Variants in MTREX observed in about 807,000 individuals in gnomAD.
The protein encoded by MTREX is exosome RNA helicase MTR4.
Under a neutral mutation model 135.4 loss-of-function variants are expected in MTREX, and 76 were observed. The ratio of observed to expected loss-of-function variants is 0.56; its 90% CI spans 0.47 to 0.68. The LOEUF (loss-of-function observed/expected upper bound fraction) is 0.68. Ranked by LOEUF, MTREX falls within the 30% of genes least tolerant of loss-of-function variation. MTREX has a pLI of 0.00. For missense variants in MTREX, 920 were observed against 1,262.1 expected (o/e 0.73, Z 4.11); for synonymous variants, 404 against 401.6 (o/e 1.01, Z -0.07).
At chr5:55,396,941 GTGTTCTTCAAGA>G (rs1750655798) in intron 19 of MTREX, among the ~76,000 whole-genome samples, 1 of 152,158 alleles carries the variant, frequency 6.6e-6, no homozygotes, top group Admixed American at 6.5e-5. Context: ...TTGCAGATAG[GTGTTCTTCAAGA>G]TTATGTCTAA....
chr5:55,386,401 T>G (rs1750482047), intron 18 of MTREX, among the ~76,000 whole-genome samples: 1 of 152,136 alleles, frequency 6.6e-6, no homozygotes, highest in Non-Finnish European at 1.5e-5. Context: ...ACTAGTTTTT[T>G]TATCTGAAAG....
intron 10 of MTREX, among the ~76,000 whole-genome samples, chr5:55,346,147 T>G (rs1429577924): frequency 5.3e-5 from 8 of 152,198 alleles, no homozygotes; most frequent in African/African-American, 1.4e-4. Flanking sequence ...TAATACAAGT[T>G]TTTGTGTGAA....
At chr5:55,322,088 A>C (rs1749298430) in intron 1 of MTREX, among the ~76,000 whole-genome samples, 1 of 152,208 alleles carries the variant, frequency 6.6e-6, no homozygotes, top group African/African-American at 2.4e-5. Flanking sequence ...TAGTTATGTT[A>C]ATGTGAATTT....
intron 14 of MTREX, 66 bp downstream of exon 14, chr5:55,353,335 C>A (rs1049769995): frequency 9.9e-7 from 1 of 1,014,704 alleles, no homozygotes; most frequent in Non-Finnish European, 1.5e-6. Flanking sequence ...AACTGGCTTA[C>A]ATAGTCTTTG....
chr5:55,378,988 A>G (rs1750350801), intron 17 of MTREX, 139 bp from the exon 18 acceptor site: 1 of 595,096 alleles, frequency 1.7e-6, no homozygotes, highest in Non-Finnish European at 2.9e-6. Context: ...TTGTTTCTTA[A>G]ATTTAGCAGT....
chr5:55,348,250 G>A (rs556500347), intron 11 of MTREX, among the ~76,000 whole-genome samples: 54 of 152,250 alleles, frequency 3.5e-4, no homozygotes, highest in African/African-American at 1.3e-3. Context: ...GTGGGAGAAG[G>A]GGGCTGAACT....
In MTREX at chr5:55,388,003, T is replaced by C. The variant is rs914682468; in HGVS notation, c.2082T>C (p.Tyr694=). ...KPNSGELDPL[Y]VVEVLLRCSK... is the part of the protein sequence containing the mutation. ...ACTCTGGTGAACTGGATCCTTTGTA[T>C]GTAGTAGAAGTACTTCTGCGCTGTA... Residue 694 remains tyrosine (Y), a synonymous_variant, in exon 19 of 27, where the codon TAT becomes TAC. Coordinates refer to ENST00000230640, the MANE Select transcript of MTREX (RefSeq NM_015360.5). 4.4e-6 allele frequency: 7 copies of C among 1,602,160 alleles called. No homozygotes were observed. The Admixed American group carries it at 1.2e-4, about 27-fold the overall frequency.
chr5:55,421,010 A>G (rs1227114602), intron 25 of MTREX, among the ~76,000 whole-genome samples: 1 of 152,246 alleles, frequency 6.6e-6, no homozygotes, highest in Non-Finnish European at 1.5e-5. Flanking sequence ...GACAATAACT[A>G]GAAAGAATTG....
chr5:55,405,364 A>G, intron 21 of MTREX, 61 bp from the exon 22 acceptor site: 2 of 1,386,274 alleles, frequency 1.4e-6, no homozygotes, highest in Non-Finnish European at 2.0e-6. Context: ...TTCATGAATA[A>G]ATCTCCTTGT....
chr5:55,382,975 A>AGT (rs1369634730), intron 18 of MTREX, among the ~76,000 whole-genome samples: 2 of 152,300 alleles, frequency 1.3e-5, no homozygotes, highest in East Asian at 3.9e-4. Context: ...AAGGAAAGCC[A>AGT]GTGTGTATAT....
In MTREX at chr5:55,391,537, T is replaced by C. The variant is rs761422992; in HGVS notation, c.2181+3435T>C. 5.9e-5 allele frequency among the ~76,000 whole-genome samples: 9 copies of C among 152,056 alleles called. No homozygotes were observed. The South Asian group carries it at 1.9e-3, about 31-fold the overall frequency. On this transcript the variant is annotated intron_variant, in intron 19 of 26. Coordinates refer to ENST00000230640, the MANE Select transcript of MTREX (RefSeq NM_015360.5). ...ACTAAAAATAACATCTTCACATATG[T>C]CCCTAAATTATTTTTCAAAAACTCA...
chr5:55,417,489 C>T (rs1281985822), intron 25 of MTREX, among the ~76,000 whole-genome samples: 3 of 152,178 alleles, frequency 2.0e-5, no homozygotes, highest in Non-Finnish European at 4.4e-5. Flanking sequence ...TTCTTAAACC[C>T]TACACTAGAC....
intron 26 of MTREX, chr5:55,423,658 T>C (rs1208208262): frequency 3.3e-5 from 5 of 151,918 alleles, no homozygotes; most frequent in Admixed American, 6.6e-5. Context: ...GTCTGTAGAG[T>C]AGCACAGTAG....
At chr5:55,314,329 C>T (rs1268390944) in intron 1 of MTREX, among the ~76,000 whole-genome samples, 2 of 152,176 alleles carry the variant, frequency 1.3e-5, no homozygotes, top group Non-Finnish European at 1.5e-5. Context: ...TGTTAGGTTA[C>T]TTGGCAAAGG....
At position 55,349,135 on chromosome 5, in the gene MTREX, C is replaced by G. The variant is rs143797015; in HGVS notation, c.1241-438C>G. On this transcript the variant is annotated intron_variant, in intron 11 of 26. Coordinates refer to ENST00000230640, the MANE Select transcript of MTREX (RefSeq NM_015360.5). The stretch of plus-strand genomic sequence containing the variant: ...TTATGTGGTAATTTTTATCTACTTT[C>G]TGCTTGACCATCTTAAATGCCACCT... Among the ~76,000 whole-genome samples, 507 of 149,694 alleles carry G rather than the reference C, an allele frequency of 3.4e-3. 1 individual carries two copies. The highest frequency in any genetic ancestry group is 6.1e-3 in the Non-Finnish European group (413 of 67,702).
chr5:55,330,604 C>T (rs570703140), intron 5 of MTREX, among the ~76,000 whole-genome samples: 1 of 151,264 alleles, frequency 6.6e-6, no homozygotes, highest in East Asian at 1.9e-4. Context: ...ATTGACTTTC[C>T]TGCTTCTTTG....
intron 1 of MTREX, 146 bp downstream of exon 1, chr5:55,308,293 G>A: frequency 1.0e-6 from 1 of 979,694 alleles, no homozygotes; most frequent in Admixed American, 3.5e-5. Flanking sequence ...AGTTGGAGAG[G>A]GTGGAAGAAT....
chr5:55,404,537 C>T (rs928080250), intron 21 of MTREX, among the ~76,000 whole-genome samples: 6 of 152,058 alleles, frequency 3.9e-5, no homozygotes. Context: ...GATTTCTGTA[C>T]CCTCATTTTT....
intron 25 of MTREX, among the ~76,000 whole-genome samples, chr5:55,420,047 ATACT>A (rs1392890228): frequency 6.6e-6 from 1 of 152,198 alleles, no homozygotes; most frequent in Non-Finnish European, 1.5e-5. Context: ...TTAGTACCTG[ATACT>A]TACTCGTTTA....
Sources: allele counts gnomAD v4.1 joint callset (sites outside exome capture counted in the v4.1 genomes callset), GRCh38; gene constraint gnomAD v4.1.1; transcripts MANE v1.5; gene names NCBI Gene and HGNC (gene_info 2026-07-23, HGNC 2026-07-21).